STPG2: variants seen among roughly 807,000 people sequenced by gnomAD.
STPG2 encodes the protein sperm tail PG-rich repeat containing 2.
Under a neutral mutation model 54.2 loss-of-function variants are expected in STPG2, and 56 were observed. The observed-to-expected ratio is 1.03, with a 90% CI of 0.83 to 1.29. STPG2 has a LOEUF of 1.29. Ranked by LOEUF, STPG2 falls within the 50% of genes most tolerant of loss-of-function variation. STPG2 has a pLI of 0.00. For synonymous variants in STPG2, 200 were observed against 181.8 expected, an observed-to-expected ratio of 1.10 and a Z score of -0.81; for missense variants, 596 against 544.9, an observed-to-expected ratio of 1.09 and a Z score of -0.93.
chr4:97,729,829 CT>C (rs1221887781), intron 9 of STPG2, among the ~76,000 whole-genome samples: 4 of 151,844 alleles, frequency 2.6e-5, no homozygotes, highest in South Asian at 2.1e-4. Context: ...TTTAAAGTGC[CT>C]TTTTTTCCTG....
chr4:97,481,476 T>C (rs1437299349), intron 4 of STPG2, among the ~76,000 whole-genome samples: 1 of 151,620 alleles, frequency 6.6e-6, no homozygotes, highest in Non-Finnish European at 1.5e-5. Context: ...TTGCATCTTC[T>C]AATCTATTAA....
intron 5 of STPG2, among the ~76,000 whole-genome samples, chr4:98,028,596 A>T (rs1359235876): frequency 6.6e-6 from 1 of 152,164 alleles, no homozygotes; most frequent in Non-Finnish European, 1.5e-5. Flanking sequence ...CTTTTTAGAG[A>T]TATGAATAAA....
intron 9 of STPG2, among the ~76,000 whole-genome samples, chr4:97,737,866 C>T (rs1725067364): frequency 6.6e-6 from 1 of 152,078 alleles, no homozygotes; most frequent in African/African-American, 2.4e-5. Context: ...GAGAATGCCA[C>T]AAAGATACTC....
intron 8 of STPG2, among the ~76,000 whole-genome samples, chr4:97,841,446 A>G (rs1004597005): frequency 3.3e-5 from 5 of 151,758 alleles, no homozygotes; most frequent in African/African-American, 1.2e-4. Flanking sequence ...TTTAATCAAC[A>G]TGAACCCACA....
chr4:97,923,178 C>T (rs569841644), intron 8 of STPG2, among the ~76,000 whole-genome samples: 7 of 152,368 alleles, frequency 4.6e-5, no homozygotes, highest in Admixed American at 6.5e-5. Context: ...TTCAGCCTGC[C>T]GCTGCACTGT....
At chr4:97,781,473 T>C (rs967650371) in intron 9 of STPG2, among the ~76,000 whole-genome samples, 34 of 152,114 alleles carry the variant, frequency 2.2e-4, no homozygotes, top group Non-Finnish European at 3.4e-4. Context: ...CAGGACCAGA[T>C]GGATTCACAG....
At chr4:98,043,514 T>G (rs1354293079) in intron 5 of STPG2, among the ~76,000 whole-genome samples, 1 of 152,092 alleles carries the variant, frequency 6.6e-6, no homozygotes, top group Non-Finnish European at 1.5e-5. Context: ...CCAAGGGGCT[T>G]ACATAAAATA....
chr4:97,445,459 C>A (rs749093641), intron 4 of STPG2, among the ~76,000 whole-genome samples: 1 of 152,050 alleles, frequency 6.6e-6, no homozygotes, highest in Non-Finnish European at 1.5e-5. Context: ...AATAAACAGA[C>A]AAAAATAATC....
chr4:98,133,823 T>C (rs758657272), intron 2 of STPG2, among the ~76,000 whole-genome samples: 26 of 152,018 alleles, frequency 1.7e-4, no homozygotes, highest in Non-Finnish European at 2.9e-4. Context: ...GCAAAATTTA[T>C]GTGAAAATGG....
At chr4:97,841,775 A>T (rs995023828) in intron 8 of STPG2, among the ~76,000 whole-genome samples, 1 of 151,720 alleles carries the variant, frequency 6.6e-6, no homozygotes, top group African/African-American at 2.4e-5. Flanking sequence ...CAAGCCACTT[A>T]CCCTCTGTGT....
At chr4:97,950,979 C>G (rs976047856) in intron 7 of STPG2, among the ~76,000 whole-genome samples, 3 of 152,172 alleles carry the variant, frequency 2.0e-5, no homozygotes, top group African/African-American at 7.2e-5. Context: ...TATTGTAAAA[C>G]CTAAGGTCAG....
intron 8 of STPG2, among the ~76,000 whole-genome samples, chr4:97,888,784 C>A (rs552610135): frequency 6.6e-6 from 1 of 152,242 alleles, no homozygotes; most frequent in African/African-American, 2.4e-5. Context: ...ATTTTTGTCC[C>A]TGCCCAAATA....
chr4:97,590,440 G>C (rs1733111440), intron 10 of STPG2, among the ~76,000 whole-genome samples: 1 of 151,968 alleles, frequency 6.6e-6, no homozygotes. Flanking sequence ...GGTATGTGTA[G>C]GACAACTGAA....
At chr4:97,888,800 T>C (rs1195660457) in intron 8 of STPG2, among the ~76,000 whole-genome samples, 1 of 152,106 alleles carries the variant, frequency 6.6e-6, no homozygotes, top group African/African-American at 2.4e-5. Context: ...AAATATCATG[T>C]CAAATTGCAA....
intron 10 of STPG2, among the ~76,000 whole-genome samples, chr4:97,710,366 A>G (rs1724075088): frequency 6.6e-6 from 1 of 152,082 alleles, no homozygotes; most frequent in South Asian, 2.1e-4. Flanking sequence ...CAAAAAAATG[A>G]AAATAGCAAG....
intron 10 of STPG2, among the ~76,000 whole-genome samples, chr4:97,581,270 G>T (rs1238197460): frequency 2.6e-5 from 4 of 152,040 alleles, no homozygotes; most frequent in African/African-American, 7.2e-5. Flanking sequence ...GCACCACAAA[G>T]AGTGAAAGGA....
chr4:97,962,046 T>C (rs573949051), intron 7 of STPG2, among the ~76,000 whole-genome samples: 138 of 152,290 alleles, frequency 9.1e-4, no homozygotes, highest in Non-Finnish European at 9.1e-4. Context: ...AATGAATTAA[T>C]GGCATTCACA....
chr4:97,602,746 A>G (rs773374452), intron 10 of STPG2, among the ~76,000 whole-genome samples: 1 of 151,630 alleles, frequency 6.6e-6, no homozygotes, highest in Non-Finnish European at 1.5e-5. Context: ...GTATTTTCTA[A>G]TCCTCCATTA....
Position 97,674,726 on chromosome 4 carries a change from G to A in STPG2, c.1320+37973C>T, listed in dbSNP as rs556047170. On this transcript the variant is annotated intron_variant, in intron 10 of 10. Transcript: ENST00000295268. ...ATGACATTATTGCCAGTTTTAAAGA[G>A]ATTAACCAAAGCAAGTATTCATTAT... 2.0e-5 allele frequency among the ~76,000 whole-genome samples: 3 copies of A among 152,248 alleles called. No individual in the cohort carries two copies. The South Asian group carries it at 6.2e-4, about 32-fold the overall frequency.
Sources: gnomAD v4.1 joint callset for allele counts (sites outside exome capture counted in the v4.1 genomes callset) on GRCh38, gnomAD v4.1.1 for gene constraint, MANE v1.5 for transcripts, NCBI Gene and HGNC (gene_info 2026-07-23, HGNC 2026-07-21) for gene names.